Variants in CSF2RB observed in about 807,000 individuals in gnomAD.
The protein encoded by CSF2RB is colony stimulating factor 2 receptor subunit beta.
A neutral mutation model predicts 67.2 loss-of-function variants in CSF2RB; 22 were observed. The ratio of observed to expected loss-of-function variants is 0.33; its 90% CI spans 0.23 to 0.47. The LOEUF (loss-of-function observed/expected upper bound fraction) is 0.47, where lower values mean the gene tolerates loss of function less well. CSF2RB is among the 20% of genes least tolerant of loss of function. The pLI is 1.00. For synonymous variants in CSF2RB, 507 were observed against 482.9 expected (o/e 1.05, Z -0.65); for missense variants, 1,113 against 1,174.5 (o/e 0.95, Z 0.76).
At chr22:36,916,815 C>T (rs1210822416) in intron 1 of CSF2RB, among the ~76,000 whole-genome samples, 8 of 152,106 alleles carry the variant, frequency 5.3e-5, no homozygotes, top group South Asian at 2.1e-4. Flanking sequence ...GCCGAGATCA[C>T]GCCACTGCAC....
rs2280976 is a variant in CSF2RB, at chr22:36,922,384, C to T, written c.76+101C>T. 562,353 of 1,118,476 alleles carry T rather than the reference C, an allele frequency of 0.5. 146,647 individuals are homozygous for T. Among genetic ancestry groups the T allele is most frequent in the Admixed American group, 0.63 (31,476 of 49,952 alleles). 69.3% of individuals were successfully genotyped at this position (1,118,476 alleles called of 1,614,324 possible). ...CCTCAGGATCCTGCCCGCCAGCCCT[C>T]CTCCTGCTCCCCTCCCTCTGTCTCT... On this transcript the variant is annotated intron_variant, in intron 2 of 13. Coordinates refer to ENST00000403662, the MANE Select transcript of CSF2RB (RefSeq NM_000395.3).
intron 4 of CSF2RB, among the ~76,000 whole-genome samples, chr22:36,927,045 C>T (rs1216356919): frequency 6.6e-6 from 1 of 152,180 alleles, no homozygotes; most frequent in South Asian, 2.1e-4. Context: ...TCTACTGCTG[C>T]TGGCAGAGCT....
chr22:36,922,117 A>G lies in CSF2RB; in HGVS notation c.-91A>G, dbSNP rs1039089059. On this transcript the variant is annotated 5_prime_UTR_variant, in exon 2 of 14. Transcript: ENST00000403662. ...TGGCCTGGCTCCCAGCTGGGCAGGA[A>G]CACAGGACTTCAGGACACTAAGGAC... is the stretch of plus-strand genomic sequence containing the variant. 117 of 1,236,158 alleles carry G rather than the reference A, an allele frequency of 9.5e-5. No homozygotes were observed. The highest frequency in any genetic ancestry group is 1.3e-4 in the Non-Finnish European group (113 of 871,566). The allele number at this position is 1,236,158 out of a possible 1,614,324, so 76.6% of individuals were successfully genotyped here. A position where few individuals can be genotyped will look rare whatever the true frequency, so the allele number is the denominator to read the frequency against.
rs1941335281 is a variant in CSF2RB, at chr22:36,939,058, C to A, written c.*556C>A. 1 of 686,506 alleles carries A rather than the reference C, an allele frequency of 1.5e-6. No individual in the cohort carries two copies. Among genetic ancestry groups the A allele is most frequent in the Non-Finnish European group, 2.7e-6 (1 of 375,804 alleles). 42.5% of individuals were successfully genotyped at this position (686,506 alleles called of 1,614,324 possible). ...CTTGGAAGAGTGGCACAGGACTGGG[C>A]ACGCTCAGTGAGGCTCAGGGAATTC... On this transcript the variant is annotated 3_prime_UTR_variant, in exon 14 of 14. Coordinates refer to ENST00000403662, the MANE Select transcript of CSF2RB (RefSeq NM_000395.3).
At position 36,932,221 on chromosome 22, in the gene CSF2RB, G is replaced by A. The variant is rs138096480; in HGVS notation, c.1013-544G>A. Among the ~76,000 whole-genome samples the A allele has an allele frequency of 8.2e-3, 1,244 of 152,314 alleles. 16 individuals are homozygous for A. Among genetic ancestry groups the A allele is most frequent in the South Asian group, 0.051 (245 of 4,828 alleles). ...AGGCCAAGGCATGTGGATCACGTGA[G>A]GTCAGGAGCTCAAGACCAGCCTGGC... On this transcript the variant is annotated intron_variant, in intron 8 of 13. Transcript: ENST00000403662.
At chr22:36,932,687 G>T (rs1941172714) in intron 8 of CSF2RB, 78 bp from the exon 9 acceptor site, 3 of 1,547,042 alleles carry the variant, frequency 1.9e-6, no homozygotes, top group Admixed American at 3.7e-5. Context: ...GACAGCCCCA[G>T]TGTCTAGCAT....
intron 3 of CSF2RB, among the ~76,000 whole-genome samples, chr22:36,924,450 G>A (rs1477143134): frequency 1.3e-5 from 2 of 152,064 alleles, no homozygotes; most frequent in South Asian, 2.1e-4. Flanking sequence ...TTGCAAACCT[G>A]CCCCAACCCC....
chr22:36,925,295 G>A (rs543751425), intron 3 of CSF2RB, among the ~76,000 whole-genome samples: 3 of 152,140 alleles, frequency 2.0e-5, no homozygotes, highest in Non-Finnish European at 2.9e-5. Context: ...CCTGTTGCAC[G>A]CCACTTCCTG....
rs760562837 is a variant in CSF2RB, at chr22:36,938,996, G to C, written c.*494G>C. ...ACATGATTCTCATCTGGGTGCAGAGGTGGGAGGCACCAGGTGGGCACCCGT... is the reference window on the plus strand; with the variant it reads ...ACATGATTCTCATCTGGGTGCAGAGCTGGGAGGCACCAGGTGGGCACCCGT... On this transcript the variant is annotated 3_prime_UTR_variant, in exon 14 of 14. Coordinates refer to ENST00000403662, the MANE Select transcript of CSF2RB (RefSeq NM_000395.3). The C allele has an allele frequency of 3.2e-6, 2 of 622,666 alleles. No homozygotes were observed. Among genetic ancestry groups the C allele is most frequent in the South Asian group, 3.6e-5 (2 of 56,282 alleles). The allele number at this position is 622,666 out of a possible 1,614,324, so 38.6% of individuals were successfully genotyped here. A position where few individuals can be genotyped will look rare whatever the true frequency, so the allele number is the denominator to read the frequency against.
Position 36,937,596 on chromosome 22 carries a change from G to T in CSF2RB, c.1788G>T (p.Pro596=), listed in dbSNP as rs761125886. The change falls in exon 14 of 14, where the codon CCG becomes CCT. Residue 596 remains proline (P), a synonymous_variant. Coordinates refer to ENST00000403662, the MANE Select transcript of CSF2RB (RefSeq NM_000395.3). This position sits in a 1 kb window ranked among gnomAD's most constrained non-coding sequence, Gnocchi z 4.6. ...ACTTCAATGGGCCCTACCTGGGGCC[G>T]CCCCACAGCCGCTCCCTACCTGACA... ...SFDFNGPYLG[P]PHSRSLPDIL... is the part of the protein sequence containing the mutation. 4 of 1,587,414 alleles carry T rather than the reference G, an allele frequency of 2.5e-6. No homozygotes were observed. In the Admixed American group the frequency reaches 7.2e-5, roughly 29 times the overall value.
At chr22:36,923,843 G>C in intron 3 of CSF2RB, 1 of 1,219,208 alleles carries the variant, frequency 8.2e-7, no homozygotes, top group Non-Finnish European at 1.1e-6. Flanking sequence ...TGGCCACGGG[G>C]TAGACAGTGG....
At chr22:36,936,155 C>T (rs1471317161) in intron 12 of CSF2RB, among the ~76,000 whole-genome samples, 1 of 152,012 alleles carries the variant, frequency 6.6e-6, no homozygotes, top group Non-Finnish European at 1.5e-5. Context: ...AGGCTGGGGG[C>T]CATGTTGGGA....
At chr22:36,928,529 A>T (rs1941074680) in intron 4 of CSF2RB, among the ~76,000 whole-genome samples, 1 of 152,086 alleles carries the variant, frequency 6.6e-6, no homozygotes, top group East Asian at 1.9e-4. Context: ...CTTACATCCT[A>T]TGTGTGAGGA....
chr22:36,916,590 GC>G (rs1414563572), intron 1 of CSF2RB, among the ~76,000 whole-genome samples: 1 of 152,032 alleles, frequency 6.6e-6, no homozygotes, highest in Non-Finnish European at 1.5e-5. Context: ...AGGCACAGTG[GC>G]TCATGCCTAT....
intron 4 of CSF2RB, among the ~76,000 whole-genome samples, chr22:36,926,405 G>A (rs1941018403): frequency 6.6e-6 from 1 of 152,220 alleles, no homozygotes; most frequent in South Asian, 2.1e-4. Flanking sequence ...CTAAGCCATG[G>A]GCTTCCAGCA....
intron 1 of CSF2RB, among the ~76,000 whole-genome samples, chr22:36,918,231 TC>T (rs1940768824): frequency 6.6e-6 from 1 of 152,256 alleles, no homozygotes; most frequent in Non-Finnish European, 1.5e-5. Flanking sequence ...TGAAAAACTT[TC>T]TTTGTCCTTA....
chr22:36,927,308 G>T (rs147491958), intron 4 of CSF2RB, among the ~76,000 whole-genome samples: 27 of 152,320 alleles, frequency 1.8e-4, no homozygotes, highest in Middle Eastern at 3.4e-3. Flanking sequence ...GCCCAGGCTG[G>T]AGGGAGGGGA....
intron 4 of CSF2RB, among the ~76,000 whole-genome samples, chr22:36,927,972 A>G (rs1941061161): frequency 6.6e-6 from 1 of 152,146 alleles, no homozygotes; most frequent in Non-Finnish European, 1.5e-5. Flanking sequence ...CCAGCCAGCA[A>G]CCCTGCCCTT....
At chr22:36,926,654 C>G (rs980250177) in intron 4 of CSF2RB, among the ~76,000 whole-genome samples, 4 of 152,336 alleles carry the variant, frequency 2.6e-5, no homozygotes, top group African/African-American at 9.6e-5. Flanking sequence ...AGCTTGTCTC[C>G]TCGCTGCCCT....
Sources: allele counts gnomAD v4.1 joint callset (sites outside exome capture counted in the v4.1 genomes callset), GRCh38; gene constraint gnomAD v4.1.1; non-coding constraint Gnocchi (gnomAD v3.1); transcripts MANE v1.5; gene names NCBI Gene and HGNC (gene_info 2026-07-23, HGNC 2026-07-21).